Variants in GALNS observed in about 807,000 individuals in gnomAD.
The protein encoded by GALNS is N-acetylgalactosamine-6-sulfatase.
A neutral mutation model predicts 65.9 loss-of-function variants in GALNS; 65 were observed. The ratio of observed to expected loss-of-function variants is 0.99; its 90% CI spans 0.81 to 1.21. GALNS has a LOEUF of 1.21. Ranked by LOEUF, GALNS falls within the 50% of genes most tolerant of loss-of-function variation. The pLI is 0.00. For synonymous variants in GALNS, 346 were observed against 288.9 expected (o/e 1.20, Z -2.00); for missense variants, 776 against 700.7 (o/e 1.11, Z -1.21).
intron 13 of GALNS, chr16:88,815,725 C>T: frequency 2.0e-6 from 2 of 985,452 alleles, no homozygotes; most frequent in Non-Finnish European, 2.4e-6. Context: ...AGTCTCCAGC[C>T]CTAGGCGGCA....
intron 8 of GALNS, among the ~76,000 whole-genome samples, chr16:88,834,313 T>C (rs1685810541): frequency 6.9e-6 from 1 of 145,036 alleles, no homozygotes; most frequent in African/African-American, 2.6e-5. Context: ...GGGACGAGGC[T>C]GTAGGGCTCT....
chr16:88,825,121 G>C (rs1043951791), intron 10 of GALNS, among the ~76,000 whole-genome samples: 1 of 129,292 alleles, frequency 7.7e-6, no homozygotes, highest in Admixed American at 7.8e-5. Context: ...GGGTGTCTGG[G>C]GCTGGGGTGT....
rs1276253268 is a variant in GALNS, at chr16:88,822,725, G to A, written c.1243-15C>T. Reference sequence around the variant, plus strand: ...AAATCAATGCCCTGCAATGAGAAGAGGGAAGGTGTGTCCTGGAGCCCCTGA... The same window carrying A: ...AAATCAATGCCCTGCAATGAGAAGAAGGAAGGTGTGTCCTGGAGCCCCTGA... On this transcript the variant is annotated splice_polypyrimidine_tract_variant and intron_variant, in intron 11 of 13. Transcript: ENST00000268695. 6.2e-7 allele frequency: 1 copy of A among 1,610,986 alleles called. No homozygotes were observed. Among genetic ancestry groups the A allele is most frequent in the African/African-American group, 1.3e-5 (1 of 74,882 alleles).
chr16:88,817,428 G>A, intron 13 of GALNS: 1 of 985,474 alleles, frequency 1.0e-6, no homozygotes, highest in Non-Finnish European at 1.2e-6. Flanking sequence ...CTATGAGTGA[G>A]ATCAGGTCTG....
intron 1 of GALNS, chr16:88,843,210 C>A: frequency 7.6e-7 from 1 of 1,321,660 alleles, no homozygotes; most frequent in Non-Finnish European, 9.9e-7. Flanking sequence ...CTATTTTCAA[C>A]ATAAATACAC....
chr16:88,854,708 G>A (rs918360579), intron 1 of GALNS, among the ~76,000 whole-genome samples: 4 of 152,240 alleles, frequency 2.6e-5, no homozygotes, highest in Admixed American at 6.5e-5. Flanking sequence ...GCTGAGTGAG[G>A]ATGTGGCCAG....
At position 88,835,410 on chromosome 16, in the gene GALNS, G is replaced by C. The variant is rs1274704541; in HGVS notation, c.759-58C>G. The C allele has an allele frequency of 1.9e-6, 3 of 1,594,884 alleles. No homozygotes were observed. The African/African-American group carries it at 4.0e-5, about 21-fold the overall frequency. On this transcript the variant is annotated intron_variant, in intron 7 of 13. Transcript: ENST00000268695. ...CTGGAGGATGGTGACAAATGGATCA[G>C]GCAGCCAACGGCATACTGTGATTCA... is the stretch of plus-strand genomic sequence containing the variant.
intron 12 of GALNS, among the ~76,000 whole-genome samples, chr16:88,821,029 G>A (rs1464483341): frequency 6.6e-6 from 1 of 152,176 alleles, no homozygotes; most frequent in Non-Finnish European, 1.5e-5. Flanking sequence ...CCAAGCTCCA[G>A]GCCCCCCATG....
chr16:88,834,608 C>T (rs534106511), intron 8 of GALNS, among the ~76,000 whole-genome samples: 1 of 140,166 alleles, frequency 7.1e-6, no homozygotes. Flanking sequence ...GGGCCCCCCC[C>T]GTGTGGTCTG....
At chr16:88,826,339 G>A (rs1910912395) in intron 10 of GALNS, among the ~76,000 whole-genome samples, 2 of 149,522 alleles carry the variant, frequency 1.3e-5, no homozygotes, top group South Asian at 2.1e-4. Flanking sequence ...GAACAGGGGT[G>A]CGGCGGACAG....
At chr16:88,815,110 G>A (rs1331369164) in intron 13 of GALNS, 8 of 985,338 alleles carry the variant, frequency 8.1e-6, no homozygotes, top group African/African-American at 1.7e-5. Context: ...GGACCACCTC[G>A]GTCCAGGTGG....
Position 88,822,607 on chromosome 16 carries a change from C to G in GALNS, c.1346G>C (p.Gly449Ala). The G allele has an allele frequency of 1.9e-6, 3 of 1,612,714 alleles. No homozygotes were observed. In the South Asian group the frequency reaches 3.3e-5, roughly 18 times the overall value. The change falls in exon 12 of 14, where the codon GGG becomes GCG. Residue 449 changes from glycine (G) to alanine (A), a missense_variant. Physicochemically the swap from Gly to Ala is moderately conservative, Grantham distance 60 (BLOSUM62 0). Coordinates refer to ENST00000268695, the MANE Select transcript of GALNS (RefSeq NM_000512.5). The stretch of plus-strand genomic sequence containing the variant: ...GACTCACCTGAGGGGGAACCTCTCC[C>G]CTGGGTCCCGTCCCAGGTGGAAGAT... ...PLIFHLGRDP[G>A]ERFPLSFASA...
chr16:88,851,712 G>C (rs116889509), intron 1 of GALNS, among the ~76,000 whole-genome samples: 33 of 152,264 alleles, frequency 2.2e-4, no homozygotes, highest in Middle Eastern at 3.4e-3. Flanking sequence ...ATTATATCCC[G>C]GGCCTGGCTC....
At chr16:88,828,854 G>A (rs1366081979) in intron 9 of GALNS, among the ~76,000 whole-genome samples, 2 of 152,182 alleles carry the variant, frequency 1.3e-5, no homozygotes, top group African/African-American at 4.8e-5. Context: ...GCCACGGGTG[G>A]CTCCCAGCCT....
chr16:88,834,599 G>T (rs1008433188), intron 8 of GALNS, among the ~76,000 whole-genome samples: 1 of 123,380 alleles, frequency 8.1e-6, no homozygotes, highest in African/African-American at 2.8e-5. Context: ...GAGGCTGTAG[G>T]GCCCCCCCCG....
chr16:88,847,021 T>A (rs1043719899), intron 1 of GALNS, among the ~76,000 whole-genome samples: 8 of 152,148 alleles, frequency 5.3e-5, no homozygotes, highest in African/African-American at 1.7e-4. Context: ...AGGGAAAACC[T>A]CTTAGTAAAG....
chr16:88,843,306 G>A, intron 1 of GALNS: 1 of 924,710 alleles, frequency 1.1e-6, no homozygotes, highest in Non-Finnish European at 1.5e-6. Flanking sequence ...TGACCCTGCA[G>A]TTCCACGCTG....
chr16:88,853,935 C>T (rs535696326), intron 1 of GALNS, among the ~76,000 whole-genome samples: 49 of 152,272 alleles, frequency 3.2e-4, no homozygotes, highest in South Asian at 1.0e-3. Context: ...GGTTCTCTCC[C>T]GGGTCAGTGT....
intron 12 of GALNS, among the ~76,000 whole-genome samples, 185 bp downstream of exon 12, chr16:88,822,404 G>A (rs565259729): frequency 6.6e-6 from 1 of 152,294 alleles, no homozygotes; most frequent in East Asian, 1.9e-4. Context: ...CACCAGGGTG[G>A]GCAGCAGCAG....
Sources: gnomAD v4.1 joint callset for allele counts (sites outside exome capture counted in the v4.1 genomes callset) on GRCh38, gnomAD v4.1.1 for gene constraint, MANE v1.5 for transcripts, NCBI Gene and HGNC (gene_info 2026-07-23, HGNC 2026-07-21) for gene names.